The following ATG5 variants were observed in gnomAD, a reference collection of about 807,000 sequenced individuals.
ATG5 encodes the protein autophagy protein 5.
In ATG5, 14 loss-of-function variants were observed where a neutral mutation model predicts 36.5. That is an observed-to-expected ratio of 0.38 (90% CI 0.25 to 0.60). The LOEUF (loss-of-function observed/expected upper bound fraction) is 0.60. ATG5 is among the 20% of genes least tolerant of loss of function. The probability of loss-of-function intolerance (pLI) is 0.60; values close to 1 mark genes in which losing one functional copy is unlikely to be tolerated. For missense variants in ATG5, 195 were observed against 326.7 expected (o/e 0.60, Z 3.11); for synonymous variants, 95 against 101.5 (o/e 0.94, Z 0.38).
chr6:106,295,501 G>A (rs1769886824), intron 3 of ATG5, among the ~76,000 whole-genome samples: 1 of 151,378 alleles, frequency 6.6e-6, no homozygotes, highest in Non-Finnish European at 1.5e-5. Flanking sequence ...ACACTTTTGT[G>A]AATTTGTAAG....
intron 3 of ATG5, among the ~76,000 whole-genome samples, chr6:106,301,433 G>A (rs12212740): frequency 0.084 from 12,797 of 152,012 alleles, 744 homozygotes; most frequent in Middle Eastern, 0.16. Context: ...GTTAGCAGGT[G>A]TGGTAAAAAG....
intron 5 of ATG5, among the ~76,000 whole-genome samples, chr6:106,264,219 C>A (rs549882977): frequency 2.0e-5 from 3 of 152,022 alleles, no homozygotes; most frequent in East Asian, 3.9e-4. Flanking sequence ...AATAGCCAAA[C>A]TGATCAAGTG....
intron 6 of ATG5, among the ~76,000 whole-genome samples, chr6:106,227,690 C>A (rs1239173821): frequency 3.3e-5 from 5 of 152,142 alleles, no homozygotes. Context: ...TAGATCAATA[C>A]CATAGAAAAT....
chr6:106,215,589 A>G (rs1777004390), intron 6 of ATG5, among the ~76,000 whole-genome samples: 1 of 152,170 alleles, frequency 6.6e-6, no homozygotes, highest in African/African-American at 2.4e-5. Context: ...AACAAATTTT[A>G]AAAACATAGC....
At chr6:106,233,517 G>T (rs1482752634) in intron 6 of ATG5, among the ~76,000 whole-genome samples, 4 of 152,170 alleles carry the variant, frequency 2.6e-5, no homozygotes, top group African/African-American at 9.7e-5. Flanking sequence ...AGCTCTAGGA[G>T]TCCTTACACA....
At chr6:106,289,721 A>C (rs1169227597) in intron 4 of ATG5, among the ~76,000 whole-genome samples, 5 of 152,200 alleles carry the variant, frequency 3.3e-5, no homozygotes, top group Non-Finnish European at 7.3e-5. Context: ...ACTATACATT[A>C]ACACTAAAAT....
At chr6:106,317,439 AT>A (rs1213332844) in intron 1 of ATG5, among the ~76,000 whole-genome samples, 1 of 152,088 alleles carries the variant, frequency 6.6e-6, no homozygotes, top group Non-Finnish European at 1.5e-5. Context: ...TGACATTAAG[AT>A]GGTATAAATT....
intron 7 of ATG5, among the ~76,000 whole-genome samples, chr6:106,187,530 T>C (rs573773295): frequency 1.3e-5 from 2 of 152,184 alleles, no homozygotes; most frequent in African/African-American, 2.4e-5. Flanking sequence ...TCAAGAAACT[T>C]TGTGTTATTC....
At chr6:106,272,854 A>G (rs1397726546) in intron 5 of ATG5, among the ~76,000 whole-genome samples, 1 of 152,238 alleles carries the variant, frequency 6.6e-6, no homozygotes, top group African/African-American at 2.4e-5. Context: ...ATTAAACATG[A>G]GAGTATAAAA....
At chr6:106,314,062 G>A (rs191709982) in intron 2 of ATG5, among the ~76,000 whole-genome samples, 45 of 152,248 alleles carry the variant, frequency 3.0e-4, no homozygotes, top group Admixed American at 8.5e-4. Context: ...TTACCTATAA[G>A]ACAAGACAAT....
intron 5 of ATG5, among the ~76,000 whole-genome samples, chr6:106,269,040 GTAAAA>G (rs1011917091): frequency 7.9e-5 from 12 of 152,268 alleles, no homozygotes; most frequent in East Asian, 5.8e-4. Context: ...AGAACTTAAA[GTAAAA>G]TAAAATAAAA....
chr6:106,321,213 G>A (rs1335057657), intron 1 of ATG5, among the ~76,000 whole-genome samples: 1 of 152,118 alleles, frequency 6.6e-6, no homozygotes, highest in Non-Finnish European at 1.5e-5. Flanking sequence ...AATTTTCACA[G>A]GGCTGTTAGG....
chr6:106,322,950 C>G (rs952738532), intron 1 of ATG5, among the ~76,000 whole-genome samples: 5 of 151,548 alleles, frequency 3.3e-5, no homozygotes, highest in Non-Finnish European at 7.4e-5. Context: ...GACGGGGTCT[C>G]GCTCTGTCGC....
At chr6:106,323,002 C>A (rs1288962378) in intron 1 of ATG5, among the ~76,000 whole-genome samples, 2 of 151,902 alleles carry the variant, frequency 1.3e-5, no homozygotes. Context: ...TCTCTGCAAG[C>A]TCTGCCTCCC....
At position 106,257,997 on chromosome 6, in the gene ATG5, G is replaced by A. The variant is rs1778863353; in HGVS notation, c.479-9753C>T. On this transcript the variant is annotated intron_variant, in intron 5 of 7. Coordinates refer to ENST00000369076, the MANE Select transcript of ATG5 (RefSeq NM_004849.4). ...AAAAGCAAAAACCAAAATAAAACAAGTACACAAGAGATTGTTCCTTTCACT... is the reference window on the plus strand; with the variant it reads ...AAAAGCAAAAACCAAAATAAAACAAATACACAAGAGATTGTTCCTTTCACT... Among the ~76,000 whole-genome samples, 3 of 152,142 alleles carry A rather than the reference G, an allele frequency of 2.0e-5. No individual in the cohort carries two copies. The South Asian group carries it at 6.2e-4, about 32-fold the overall frequency.
chr6:106,254,575 A>G (rs1445579494), intron 5 of ATG5, among the ~76,000 whole-genome samples: 2 of 152,226 alleles, frequency 1.3e-5, no homozygotes, highest in African/African-American at 4.8e-5. Context: ...GACAGTCTGG[A>G]GCCACACTGC....
chr6:106,271,338 T>C (rs1037077694), intron 5 of ATG5, among the ~76,000 whole-genome samples: 1 of 152,202 alleles, frequency 6.6e-6, no homozygotes, highest in Non-Finnish European at 1.5e-5. Context: ...GTGGGGCATT[T>C]GGGAGCTGAT....
intron 5 of ATG5, among the ~76,000 whole-genome samples, chr6:106,252,890 C>G (rs1778655328): frequency 6.6e-6 from 1 of 152,206 alleles, no homozygotes; most frequent in South Asian, 2.1e-4. Context: ...AGAAGACAGA[C>G]TGTAAGCTTG....
intron 6 of ATG5, among the ~76,000 whole-genome samples, chr6:106,237,687 T>G (rs1231089244): frequency 6.6e-6 from 1 of 152,242 alleles, no homozygotes; most frequent in Non-Finnish European, 1.5e-5. Context: ...AAATAACAAT[T>G]ATTGCCTAAT....
Sources: gnomAD v4.1 joint callset for allele counts (sites outside exome capture counted in the v4.1 genomes callset) on GRCh38, gnomAD v4.1.1 for gene constraint, MANE v1.5 for transcripts, NCBI Gene and HGNC (gene_info 2026-07-23, HGNC 2026-07-21) for gene names.